ZFP64: variants seen among roughly 807,000 people sequenced by gnomAD.
ZFP64 encodes ZFP64 zinc finger protein, also known as zinc finger protein 64.
Under a neutral mutation model 51.6 loss-of-function variants are expected in ZFP64, and 14 were observed. The ratio of observed to expected loss-of-function variants is 0.27; its 90% CI spans 0.18 to 0.42. The LOEUF is 0.42. Among genes scored for constraint, ZFP64 ranks in the 10% least tolerant of loss-of-function variants. The probability of loss-of-function intolerance (pLI) is 1.00; values close to 1 mark genes in which losing one functional copy is unlikely to be tolerated. For synonymous variants in ZFP64, 375 were observed against 361.4 expected (o/e 1.04, Z -0.43); for missense variants, 754 against 906.8 (o/e 0.83, Z 2.16).
intron 2 of ZFP64, among the ~76,000 whole-genome samples, chr20:52,166,965 T>A (rs1231007765): frequency 6.6e-6 from 1 of 151,688 alleles, no homozygotes; most frequent in Non-Finnish European, 1.5e-5. Flanking sequence ...AAAAAATTCC[T>A]TGTACTCTTA....
At position 52,121,421 on chromosome 20, in the gene ZFP64, T is replaced by C. The variant is rs1179984273; in HGVS notation, c.764-22834A>G. ...AAGTGAACCAGCCGGATTTTTGATA[T>C]GGTGAAACTTTTAGTCATCTGGACG... is the stretch of plus-strand genomic sequence containing the variant. On this transcript the variant is annotated intron_variant, in intron 5 of 8. Coordinates refer to the ZFP64 transcript ENST00000361387. Among the ~76,000 whole-genome samples, 10 of 152,212 alleles carry C rather than the reference T, an allele frequency of 6.6e-5. No individual in the cohort carries two copies. The East Asian group carries it at 1.9e-3, about 29-fold the overall frequency.
chr20:52,161,002 A>G lies in ZFP64; in HGVS notation c.512-628T>C, dbSNP rs145103090. On this transcript the variant is annotated intron_variant, in intron 4 of 5. Transcript: ENST00000216923. ...AGTCGGTGAGCGCAGGTGAGTGAGC[A>G]GGTGAGGGCAGGTGAGTGAGCAGCT... is the stretch of plus-strand genomic sequence containing the variant. Among the ~76,000 whole-genome samples the G allele has an allele frequency of 5.6e-3, 858 of 151,888 alleles. 7 individuals carry two copies. Among genetic ancestry groups the G allele is most frequent in the African/African-American group, 0.019 (777 of 41,536 alleles).
chr20:52,124,328 C>T (rs1338747785), intron 5 of ZFP64, among the ~76,000 whole-genome samples: 1 of 151,996 alleles, frequency 6.6e-6, no homozygotes, highest in Non-Finnish European at 1.5e-5. Context: ...AAAGAAACCA[C>T]TACAAGTGAT....
intron 7 of ZFP64, among the ~76,000 whole-genome samples, chr20:52,093,071 C>A (rs1337994546): frequency 6.6e-6 from 1 of 152,090 alleles, no homozygotes; most frequent in Non-Finnish European, 1.5e-5. Flanking sequence ...TGTCAAGGGC[C>A]ACTGTGTGGT....
At chr20:52,178,682 C>A in intron 2 of ZFP64, among the ~76,000 whole-genome samples, 1 of 151,704 alleles carries the variant, frequency 6.6e-6, no homozygotes, top group African/African-American at 2.4e-5. Context: ...GCTTCCCCCA[C>A]CCCCTCCAAA....
At chr20:52,088,403 C>T (rs755846396) in exon 8 of ZFP64, 9 of 1,601,858 alleles carry the variant, frequency 5.6e-6, no homozygotes, top group Non-Finnish European at 6.0e-6. Flanking sequence ...CGTGTGAGAT[C>T]GCAGGTGGAC....
At chr20:52,109,517 T>C (rs1482211172) in intron 5 of ZFP64, among the ~76,000 whole-genome samples, 1 of 152,102 alleles carries the variant, frequency 6.6e-6, no homozygotes, top group Non-Finnish European at 1.5e-5. Context: ...CGGTGGCTCA[T>C]GCCTGTAACC....
At chr20:52,165,285 T>A in intron 3 of ZFP64, 2 of 456,268 alleles carry the variant, frequency 4.4e-6, no homozygotes, top group South Asian at 3.1e-5. Context: ...CCTGTGGTTA[T>A]TTAAAAGAAT....
At chr20:52,113,185 T>A (rs1366134952) in intron 5 of ZFP64, among the ~76,000 whole-genome samples, 1 of 151,562 alleles carries the variant, frequency 6.6e-6, no homozygotes, top group Non-Finnish European at 1.5e-5. Context: ...ATACAAAAAA[T>A]TAGCCAGGCG....
chr20:52,114,548 T>A (rs188721893), intron 5 of ZFP64, among the ~76,000 whole-genome samples: 2 of 152,336 alleles, frequency 1.3e-5, no homozygotes, highest in South Asian at 2.1e-4. Context: ...GTAAAGCCTG[T>A]TCCCACTGTT....
At chr20:52,134,653 G>C (rs1979884892) in intron 5 of ZFP64, among the ~76,000 whole-genome samples, 1 of 152,114 alleles carries the variant, frequency 6.6e-6, no homozygotes, top group Admixed American at 6.6e-5. Context: ...GTTCCAGGAA[G>C]GGGTTTCATA....
At chr20:52,187,439 T>A (rs1056501666) in intron 1 of ZFP64, among the ~76,000 whole-genome samples, 1 of 151,854 alleles carries the variant, frequency 6.6e-6, no homozygotes, top group African/African-American at 2.4e-5. Context: ...CTGGCCAACA[T>A]GGTGAAATCC....
intron 5 of ZFP64, among the ~76,000 whole-genome samples, chr20:52,123,270 A>C (rs1249389087): frequency 2.0e-5 from 3 of 152,068 alleles, no homozygotes; most frequent in Non-Finnish European, 1.5e-5. Flanking sequence ...AGCCTCCCAA[A>C]CTGCTGGATT....
At chr20:52,129,723 CT>C (rs1979630443) in intron 5 of ZFP64, among the ~76,000 whole-genome samples, 1 of 152,108 alleles carries the variant, frequency 6.6e-6, no homozygotes, top group Non-Finnish European at 1.5e-5. Flanking sequence ...ATGGTGCCTG[CT>C]TCTGTTCCTC....
chr20:52,094,096 C>CA (rs1179050577), intron 7 of ZFP64, among the ~76,000 whole-genome samples: 42 of 152,112 alleles, frequency 2.8e-4, no homozygotes, highest in African/African-American at 9.7e-4. Flanking sequence ...GCAGATCTAC[C>CA]AACTGGGTCC....
At chr20:52,124,242 A>C (rs1302532068) in intron 5 of ZFP64, among the ~76,000 whole-genome samples, 1 of 151,162 alleles carries the variant, frequency 6.6e-6, no homozygotes, top group Non-Finnish European at 1.5e-5. Flanking sequence ...GTAAGAGCCC[A>C]TTAAAAAGGA....
At position 52,160,455 on chromosome 20, in the gene ZFP64, A is replaced by T; in HGVS notation, c.512-81T>A. ...GGCTTATTTCCCACTGCCTTACGAAAAAAGTCATATACAACCACCGAAGAA... is the reference window on the plus strand; with the variant it reads ...GGCTTATTTCCCACTGCCTTACGAATAAAGTCATATACAACCACCGAAGAA... On this transcript the variant is annotated intron_variant, in intron 4 of 5. Coordinates refer to ENST00000216923, the MANE Select transcript of ZFP64 (RefSeq NM_018197.3). The surrounding 1 kb of genome is among the most constrained non-coding windows in gnomAD (Gnocchi z 4.2). The T allele has an allele frequency of 2.0e-6, 3 of 1,510,178 alleles. No homozygotes were observed. Among genetic ancestry groups the T allele is most frequent in the Non-Finnish European group, 2.6e-6 (3 of 1,133,808 alleles). The allele number at this position is 1,510,178 out of a possible 1,614,324, so 93.5% of individuals were successfully genotyped here. A position where few individuals can be genotyped will look rare whatever the true frequency, so the allele number is the denominator to read the frequency against.
intron 8 of ZFP64, among the ~76,000 whole-genome samples, chr20:52,087,534 G>A (rs1568939111): frequency 6.6e-6 from 1 of 152,222 alleles, no homozygotes; most frequent in Non-Finnish European, 1.5e-5. Flanking sequence ...TCCAGGATTA[G>A]TTATTGACTT....
chr20:52,123,984 C>T (rs1182319638), intron 5 of ZFP64, among the ~76,000 whole-genome samples: 1 of 152,000 alleles, frequency 6.6e-6, no homozygotes, highest in Non-Finnish European at 1.5e-5. Context: ...ATTCTCGTGC[C>T]TCAGCCTCCC....
Sources: gnomAD v4.1 joint callset for allele counts (sites outside exome capture counted in the v4.1 genomes callset) on GRCh38, gnomAD v4.1.1 for gene constraint, Gnocchi (gnomAD v3.1) non-coding constraint, MANE v1.5 for transcripts, NCBI Gene and HGNC (gene_info 2026-07-23, HGNC 2026-07-21) for gene names.